Variants in PRKN observed in about 807,000 individuals in gnomAD.
PRKN encodes the protein E3 ubiquitin-protein ligase parkin.
A neutral mutation model predicts 59.5 loss-of-function variants in PRKN; 56 were observed. That is an observed-to-expected ratio of 0.94 (90% confidence interval 0.76 to 1.18). The LOEUF is 1.18. Among genes scored for constraint, PRKN ranks in the 50% most tolerant of loss-of-function variants. The probability of loss-of-function intolerance (pLI) is 0.00; values close to 1 mark genes in which losing one functional copy is unlikely to be tolerated. For synonymous variants in PRKN, 250 were observed against 222.1 expected (o/e 1.13, Z -1.12); for missense variants, 657 against 596.4 (o/e 1.10, Z -1.06).
At chr6:162,619,316 A>AT (rs11436212) in intron 1 of PRKN, among the ~76,000 whole-genome samples, 93,450 of 147,592 alleles carry the variant, frequency 0.63, 30,351 homozygotes, top group African/African-American at 0.79. Context: ...CTAATTTTTA[A>AT]TTTTTTTTTT....
chr6:162,623,767 T>A (rs1782770129), intron 1 of PRKN, among the ~76,000 whole-genome samples: 1 of 152,152 alleles, frequency 6.6e-6, no homozygotes, highest in South Asian at 2.1e-4. Flanking sequence ...ACAGTGATTT[T>A]AAAAATTTTG....
At chr6:162,377,030 C>T (rs79569623) in intron 2 of PRKN, among the ~76,000 whole-genome samples, 345 of 152,102 alleles carry the variant, frequency 2.3e-3, no homozygotes, top group African/African-American at 7.9e-3. Context: ...TAGCAGGAAC[C>T]GCTGCAGCTA....
At chr6:161,902,000 G>C (rs1248653451) in intron 6 of PRKN, among the ~76,000 whole-genome samples, 1 of 152,176 alleles carries the variant, frequency 6.6e-6, no homozygotes, top group Non-Finnish European at 1.5e-5. Context: ...GTGTGATGCT[G>C]ACACACGGGG....
chr6:162,141,519 T>G (rs1016482353), intron 4 of PRKN, among the ~76,000 whole-genome samples: 1 of 152,204 alleles, frequency 6.6e-6, no homozygotes, highest in African/African-American at 2.4e-5. Context: ...AACATTCAAA[T>G]TAACCATTTA....
chr6:161,557,707 G>A (rs2115450688), intron 8 of PRKN, among the ~76,000 whole-genome samples: 1 of 152,312 alleles, frequency 6.6e-6, no homozygotes, highest in Non-Finnish European at 1.5e-5. Context: ...GAAATGTGAA[G>A]TACAGGGATC....
intron 4 of PRKN, among the ~76,000 whole-genome samples, chr6:162,062,158 C>T (rs1452903201): frequency 6.6e-6 from 1 of 152,110 alleles, no homozygotes; most frequent in Admixed American, 6.6e-5. Flanking sequence ...AACTGGAGGG[C>T]ACCCACATAT....
At chr6:161,491,625 G>A (rs941580147) in intron 9 of PRKN, among the ~76,000 whole-genome samples, 2 of 143,832 alleles carry the variant, frequency 1.4e-5, no homozygotes, top group Non-Finnish European at 3.1e-5. Flanking sequence ...ACGGGAAAGT[G>A]ACTTAACTTC....
At chr6:162,482,665 G>A (rs892866199) in intron 1 of PRKN, among the ~76,000 whole-genome samples, 1 of 152,096 alleles carries the variant, frequency 6.6e-6, no homozygotes, top group Non-Finnish European at 1.5e-5. Flanking sequence ...AAAAATACAT[G>A]AACCAAGTAT....
At chr6:162,487,444 G>C (rs540875565) in intron 1 of PRKN, among the ~76,000 whole-genome samples, 2 of 152,290 alleles carry the variant, frequency 1.3e-5, no homozygotes, top group Admixed American at 6.5e-5. Flanking sequence ...CTGCACGCGT[G>C]GCAGGACACA....
Position 162,091,924 on chromosome 6 carries a change from T to C in PRKN, c.535-37750A>G, listed in dbSNP as rs542893174. ...GGTGGCACATGCCTGTAGTTCAAGC[T>C]AGTTGGGAGGCTGAGGTGGGAGGAT... On this transcript the variant is annotated intron_variant, in intron 4 of 11. Transcript: ENST00000366898. 3.3e-5 allele frequency among the ~76,000 whole-genome samples: 5 copies of C among 151,892 alleles called. No homozygotes were observed. The South Asian group carries it at 1.0e-3, about 32-fold the overall frequency.
chr6:162,265,822 C>T (rs766159634), intron 2 of PRKN, among the ~76,000 whole-genome samples: 15 of 152,268 alleles, frequency 9.9e-5, no homozygotes, highest in African/African-American at 2.6e-4. Flanking sequence ...CCTGAGGCCG[C>T]GGGCACCCTC....
intron 1 of PRKN, among the ~76,000 whole-genome samples, chr6:162,459,000 T>A (rs966000733): frequency 6.6e-6 from 1 of 152,062 alleles, no homozygotes; most frequent in Non-Finnish European, 1.5e-5. Flanking sequence ...TTTGTTTTTT[T>A]AGTACAGACG....
At chr6:161,838,758 G>T (rs1792863307) in intron 6 of PRKN, among the ~76,000 whole-genome samples, 1 of 152,206 alleles carries the variant, frequency 6.6e-6, no homozygotes, top group Non-Finnish European at 1.5e-5. Flanking sequence ...GCCCTGGGGA[G>T]CGCTGGTCTC....
Position 161,445,680 on chromosome 6 carries a change from C to T in PRKN, c.1084-58803G>A, listed in dbSNP as rs551470040. Among the ~76,000 whole-genome samples the T allele has an allele frequency of 1.8e-4, 28 of 152,322 alleles. No individual in the cohort carries two copies. Among genetic ancestry groups the T allele is most frequent in the Admixed American group, 1.4e-3 (22 of 15,306 alleles). On this transcript the variant is annotated intron_variant, in intron 9 of 11. Transcript: ENST00000366898. The surrounding 1 kb of genome is among the most constrained non-coding windows in gnomAD (Gnocchi z 7.7). ...GGCCAGCTGCCCCGCACCAGGTCTG[C>T]GTGTCACAGGGCAGAGTGCATGGTC...
At chr6:162,463,095 G>GA (rs11417500) in intron 1 of PRKN, among the ~76,000 whole-genome samples, 32,674 of 149,896 alleles carry the variant, frequency 0.22, 4,537 homozygotes, top group African/African-American at 0.4. Flanking sequence ...AATTAAAAAC[G>GA]AAAAAAAAAC....
chr6:161,494,173 A>C (rs1214550108), intron 9 of PRKN, among the ~76,000 whole-genome samples: 1 of 151,894 alleles, frequency 6.6e-6, no homozygotes, highest in Non-Finnish European at 1.5e-5. Flanking sequence ...CTTTTAAAAA[A>C]TAAAAAATAA....
At position 161,504,850 on chromosome 6, in the gene PRKN, G is replaced by T. The variant is rs1418481123; in HGVS notation, c.1083+44004C>A. Among the ~76,000 whole-genome samples the T allele has an allele frequency of 2.0e-5, 3 of 151,036 alleles. No homozygotes were observed. In the East Asian group the frequency reaches 5.8e-4, roughly 29 times the overall value. On this transcript the variant is annotated intron_variant, in intron 9 of 11. Transcript: ENST00000366898. ...TCATCCATGTCCCTACAAAGGAAAT[G>T]AACTCATCATTTTTTATGGCTGCAT...
intron 1 of PRKN, 24 bp downstream of exon 1, chr6:162,727,638 T>TGTACCTGGCAGGTACCCAC: frequency 6.3e-7 from 1 of 1,583,152 alleles, no homozygotes; most frequent in Non-Finnish European, 8.6e-7. Flanking sequence ...GCAGAGAGGC[T>TGTACCTGGCAGGTACCCAC]GTACCTGGCA....
At chr6:162,565,081 A>G (rs964946918) in intron 1 of PRKN, among the ~76,000 whole-genome samples, 6 of 141,246 alleles carry the variant, frequency 4.2e-5, no homozygotes, top group Non-Finnish European at 7.5e-5. Context: ...GTACAATAAG[A>G]TATAAATAGA....
Sources: gnomAD v4.1 joint callset for allele counts (sites outside exome capture counted in the v4.1 genomes callset) on GRCh38, gnomAD v4.1.1 for gene constraint, Gnocchi (gnomAD v3.1) non-coding constraint, MANE v1.5 for transcripts, NCBI Gene and HGNC (gene_info 2026-07-23, HGNC 2026-07-21) for gene names.